SMURF2: variants seen among roughly 807,000 people sequenced by gnomAD.
SMURF2 encodes the protein SMAD specific E3 ubiquitin protein ligase 2.
SMURF2 carries 48 observed loss-of-function variants against 109.6 expected under a neutral mutation model. The observed-to-expected ratio is 0.44, with a 90% confidence interval of 0.35 to 0.56. The LOEUF (loss-of-function observed/expected upper bound fraction) is 0.56, where lower values mean the gene tolerates loss of function less well. SMURF2 is among the 20% of genes least tolerant of loss of function. SMURF2 has a pLI of 0.01. For synonymous variants in SMURF2, 288 were observed against 317.1 expected, an observed-to-expected ratio of 0.91 and a Z score of 0.97; for missense variants, 575 against 909.0, an observed-to-expected ratio of 0.63 and a Z score of 4.72.
At chr17:64,574,305 T>TA (rs1969458057) in intron 9 of SMURF2, among the ~76,000 whole-genome samples, 1 of 152,158 alleles carries the variant, frequency 6.6e-6, no homozygotes, top group South Asian at 2.1e-4. Flanking sequence ...GGGAGCTGGT[T>TA]AAAGAAAAAT....
chr17:64,592,306 T>C (rs1395393060), intron 4 of SMURF2, among the ~76,000 whole-genome samples: 4 of 152,236 alleles, frequency 2.6e-5, no homozygotes, highest in Non-Finnish European at 4.4e-5. Context: ...TTCAGTTTGC[T>C]GAGTAATAAA....
chr17:64,595,723 T>C (rs2144659383), intron 3 of SMURF2, among the ~76,000 whole-genome samples: 1 of 150,046 alleles, frequency 6.7e-6, no homozygotes, highest in East Asian at 1.9e-4. Context: ...CCAATTAATA[T>C]TAATTGTAAG....
chr17:64,636,468 TG>T (rs1161684441), intron 1 of SMURF2, among the ~76,000 whole-genome samples: 2 of 152,010 alleles, frequency 1.3e-5, no homozygotes, highest in African/African-American at 4.8e-5. Context: ...CTGGACGTGG[TG>T]GCACACACCT....
intron 10 of SMURF2, among the ~76,000 whole-genome samples, chr17:64,565,575 A>G (rs893661824): frequency 3.3e-5 from 5 of 152,098 alleles, no homozygotes; most frequent in Non-Finnish European, 5.9e-5. Context: ...AGGAAGGGAA[A>G]TAAGTAATTA....
At chr17:64,606,244 C>A (rs181997503) in intron 2 of SMURF2, among the ~76,000 whole-genome samples, 1 of 152,070 alleles carries the variant, frequency 6.6e-6, no homozygotes. Context: ...TAAAGTTTCC[C>A]ATGAAATTTT....
At chr17:64,611,377 C>T (rs571899496) in intron 1 of SMURF2, among the ~76,000 whole-genome samples, 1 of 152,218 alleles carries the variant, frequency 6.6e-6, no homozygotes, top group Non-Finnish European at 1.5e-5. Flanking sequence ...ATTCATAAAA[C>T]CCGATCCTTA....
At chr17:64,638,293 T>G (rs1224157823) in intron 1 of SMURF2, among the ~76,000 whole-genome samples, 1 of 152,166 alleles carries the variant, frequency 6.6e-6, no homozygotes, top group African/African-American at 2.4e-5. Context: ...CTTGAACTCC[T>G]GACCTCAAGT....
intron 5 of SMURF2, among the ~76,000 whole-genome samples, chr17:64,589,489 G>C (rs1969719431): frequency 8.6e-6 from 1 of 116,096 alleles, no homozygotes; most frequent in Admixed American, 8.5e-5. Context: ...CCAGGCCATG[G>C]ATGGGTGGGG....
chr17:64,646,831 T>G (rs1477756696), intron 1 of SMURF2, among the ~76,000 whole-genome samples: 1 of 152,232 alleles, frequency 6.6e-6, no homozygotes, highest in Non-Finnish European at 1.5e-5. Flanking sequence ...GATTTGTCTC[T>G]CTGGTGGTGT....
chr17:64,630,087 T>C lies in SMURF2; in HGVS notation c.53-23447A>G, dbSNP rs782336310. 7.6e-4 allele frequency among the ~76,000 whole-genome samples: 116 copies of C among 151,832 alleles called. 2 individuals carry two copies. Among genetic ancestry groups the C allele is most frequent in the Admixed American group, 3.0e-3 (45 of 15,246 alleles). ...CCTGTCTCTACTAAAAATACAAAAA[T>C]TAGCCAGGCATGGTGGTGCACGCCT... On this transcript the variant is annotated intron_variant, in intron 1 of 18. Coordinates refer to ENST00000262435, the MANE Select transcript of SMURF2 (RefSeq NM_022739.4).
chr17:64,585,059 G>A (rs1189051830), intron 6 of SMURF2, among the ~76,000 whole-genome samples: 1 of 151,424 alleles, frequency 6.6e-6, no homozygotes, highest in Non-Finnish European at 1.5e-5. Flanking sequence ...CCATAACCTG[G>A]GTATAAAATT....
At chr17:64,649,584 G>C (rs1970608350) in intron 1 of SMURF2, among the ~76,000 whole-genome samples, 1 of 152,160 alleles carries the variant, frequency 6.6e-6, no homozygotes, top group African/African-American at 2.4e-5. Flanking sequence ...GCTCATGCCT[G>C]TAATCCCAGC....
intron 1 of SMURF2, among the ~76,000 whole-genome samples, chr17:64,615,291 A>G (rs1432146767): frequency 2.6e-5 from 4 of 152,084 alleles, no homozygotes; most frequent in Admixed American, 2.0e-4. Flanking sequence ...CAGACATCCC[A>G]TCTTCCTTCA....
intron 6 of SMURF2, among the ~76,000 whole-genome samples, chr17:64,585,573 G>A (rs1291818776): frequency 1.3e-5 from 2 of 152,114 alleles, no homozygotes; most frequent in African/African-American, 2.4e-5. Flanking sequence ...GAACTCAGGT[G>A]GTCTGATTTC....
chr17:64,577,799 G>C lies in SMURF2; in HGVS notation c.857+693C>G, dbSNP rs556011907. 9.1e-4 allele frequency among the ~76,000 whole-genome samples: 139 copies of C among 152,062 alleles called. 1 individual carries two copies. Among genetic ancestry groups the C allele is most frequent in the Admixed American group, 1.9e-3 (29 of 15,260 alleles). ...CTTTGGTAGAGACCAGGTCTATGTG[G>C]CTCAGACTGGTTTCAAACTCCTGGG... On this transcript the variant is annotated intron_variant, in intron 9 of 18. Transcript: ENST00000262435.
intron 1 of SMURF2, among the ~76,000 whole-genome samples, chr17:64,610,020 T>G: frequency 6.6e-6 from 1 of 152,062 alleles, no homozygotes; most frequent in East Asian, 1.9e-4. Flanking sequence ...TCATCATCAC[T>G]GGTCATTAGA....
chr17:64,594,550 G>C (rs1969791658), intron 3 of SMURF2, among the ~76,000 whole-genome samples: 1 of 151,986 alleles, frequency 6.6e-6, no homozygotes, highest in Admixed American at 6.6e-5. Context: ...GAAAAAATCT[G>C]AATTAAAATA....
chr17:64,586,594 C>CA (rs1230541790), intron 5 of SMURF2, among the ~76,000 whole-genome samples: 1 of 149,222 alleles, frequency 6.7e-6, no homozygotes, highest in African/African-American at 2.5e-5. Context: ...ACTAAAAATA[C>CA]AAAAAAATTA....
chr17:64,637,834 G>A (rs56804729), intron 1 of SMURF2, among the ~76,000 whole-genome samples: 7,609 of 149,820 alleles, frequency 0.051, 312 homozygotes, highest in Admixed American at 0.14. Flanking sequence ...AAAGTGCTGG[G>A]ATTACAGGTG....
Sources: gnomAD v4.1 joint callset for allele counts (sites outside exome capture counted in the v4.1 genomes callset) on GRCh38, gnomAD v4.1.1 for gene constraint, MANE v1.5 for transcripts, NCBI Gene and HGNC (gene_info 2026-07-23, HGNC 2026-07-21) for gene names.